Variants in SYT16 observed in about 807,000 individuals in gnomAD.
The protein encoded by SYT16 is synaptotagmin 16, also known as synaptotagmin-16.
A neutral mutation model predicts 61.4 loss-of-function variants in SYT16; 42 were observed. The ratio of observed to expected loss-of-function variants is 0.68; its 90% CI spans 0.53 to 0.89. The LOEUF (loss-of-function observed/expected upper bound fraction) is 0.89, where lower values mean the gene tolerates loss of function less well. Ranked by LOEUF, SYT16 falls within the 40% of genes least tolerant of loss-of-function variation. The pLI, the probability that SYT16 is intolerant of heterozygous loss-of-function variation, is 0.00. For synonymous variants in SYT16, 314 were observed against 302.3 expected (o/e 1.04, Z -0.40); for missense variants, 804 against 807.3 (o/e 1.00, Z 0.05).
At chr14:61,935,061 G>A (rs561245625) in intron 1 of SYT16, among the ~76,000 whole-genome samples, 86 of 152,284 alleles carry the variant, frequency 5.6e-4, no homozygotes, top group African/African-American at 1.8e-3. Context: ...CCACAGGCAA[G>A]CAAATTAATA....
At chr14:62,076,445 A>T (rs1595359450) in intron 5 of SYT16, among the ~76,000 whole-genome samples, 2 of 67,998 alleles carry the variant, frequency 2.9e-5, no homozygotes, top group Non-Finnish European at 5.6e-5. Flanking sequence ...GCTCAAGGTA[A>T]AAAAAAAAAA....
At chr14:61,998,903 A>G (rs2052877667) in intron 3 of SYT16, among the ~76,000 whole-genome samples, 1 of 151,952 alleles carries the variant, frequency 6.6e-6, no homozygotes, top group Non-Finnish European at 1.5e-5. Flanking sequence ...TTTCACATCT[A>G]TTGAGATGAT....
At chr14:62,014,562 T>A (rs556451997) in intron 3 of SYT16, among the ~76,000 whole-genome samples, 1 of 151,916 alleles carries the variant, frequency 6.6e-6, no homozygotes, top group East Asian at 1.9e-4. Flanking sequence ...GCCTCCTAAG[T>A]AGCTGGGATT....
At chr14:62,011,459 C>T (rs959481286) in intron 3 of SYT16, among the ~76,000 whole-genome samples, 8 of 152,134 alleles carry the variant, frequency 5.3e-5, no homozygotes, top group Non-Finnish European at 7.4e-5. Flanking sequence ...GCTTGATTCA[C>T]GTGGCTTGAC....
chr14:61,920,899 G>C (rs2049310215), intron 1 of SYT16, among the ~76,000 whole-genome samples: 1 of 152,172 alleles, frequency 6.6e-6, no homozygotes, highest in Non-Finnish European at 1.5e-5. Context: ...AGAGCAGTAA[G>C]TGGTAGAACC....
intron 1 of SYT16, among the ~76,000 whole-genome samples, chr14:61,943,722 G>A (rs953441567): frequency 2.0e-5 from 3 of 152,120 alleles, no homozygotes; most frequent in Admixed American, 2.0e-4. Flanking sequence ...AGGCATTGAT[G>A]GAATGAATCT....
chr14:61,856,723 A>T (rs186840215), intron 1 of SYT16, among the ~76,000 whole-genome samples: 79 of 152,306 alleles, frequency 5.2e-4, no homozygotes, highest in African/African-American at 1.8e-3. Flanking sequence ...ATCAAAGGAA[A>T]GATCTGGGCT....
intron 1 of SYT16, among the ~76,000 whole-genome samples, chr14:61,915,960 A>G (rs774795053): frequency 4.6e-5 from 7 of 152,218 alleles, no homozygotes; most frequent in Non-Finnish European, 1.0e-4. Flanking sequence ...CGTGAATTCA[A>G]CCTACATCTT....
chr14:62,097,098 T>A (rs986170204), intron 7 of SYT16, among the ~76,000 whole-genome samples: 1 of 152,164 alleles, frequency 6.6e-6, no homozygotes, highest in African/African-American at 2.4e-5. Context: ...CGGGGTACCA[T>A]GTTGTTTCTT....
At chr14:62,054,517 C>T (rs747846470) in intron 3 of SYT16, among the ~76,000 whole-genome samples, 9 of 151,956 alleles carry the variant, frequency 5.9e-5, no homozygotes, top group Non-Finnish European at 1.3e-4. Context: ...CGTGCCACCA[C>T]GCTCAGCTAA....
chr14:61,912,342 T>A (rs965742), intron 1 of SYT16, among the ~76,000 whole-genome samples: 138,283 of 152,078 alleles, frequency 0.91, 63,001 homozygotes, highest in East Asian at 0.98. Flanking sequence ...CTGCTGTCAC[T>A]CTGACAGCGT....
intron 3 of SYT16, among the ~76,000 whole-genome samples, chr14:62,058,008 T>G (rs1215249371): frequency 2.0e-5 from 3 of 152,234 alleles, no homozygotes; most frequent in Non-Finnish European, 4.4e-5. Context: ...ATTTTTAGAT[T>G]ATTATAAAAA....
intron 1 of SYT16, among the ~76,000 whole-genome samples, chr14:61,840,115 A>G (rs2046259533): frequency 6.6e-6 from 1 of 152,182 alleles, no homozygotes; most frequent in Admixed American, 6.5e-5. Context: ...AAGGGAGAAA[A>G]TAAAAGATTA....
rs983320179 is a variant in SYT16, at chr14:61,831,148, A to G, written c.-325+18338A>G. 2.0e-5 allele frequency among the ~76,000 whole-genome samples: 3 copies of G among 152,192 alleles called. No homozygotes were observed. In the East Asian group the frequency reaches 5.8e-4, roughly 29 times the overall value. On this transcript the variant is annotated intron_variant, in intron 1 of 7. Coordinates refer to ENST00000683842, the MANE Select transcript of SYT16 (RefSeq NM_001367656.1). ...GGTTGTCACTGACATCTAGCCAGGGATGCTGCTGAATATCCTATAATACAG... is the reference window on the plus strand; with the variant it reads ...GGTTGTCACTGACATCTAGCCAGGGGTGCTGCTGAATATCCTATAATACAG...
At chr14:61,922,197 A>G (rs2049358592) in intron 1 of SYT16, among the ~76,000 whole-genome samples, 1 of 152,226 alleles carries the variant, frequency 6.6e-6, no homozygotes, top group South Asian at 2.1e-4. Context: ...TACCCAAAGA[A>G]ATAGAAATCA....
intron 1 of SYT16, among the ~76,000 whole-genome samples, chr14:61,813,451 TC>T (rs144215943): frequency 0.022 from 3,376 of 152,308 alleles, 61 homozygotes; most frequent in African/African-American, 0.051. Flanking sequence ...GAAATTGGAA[TC>T]CCGTCTGTGA....
intron 1 of SYT16, among the ~76,000 whole-genome samples, chr14:61,819,778 G>C (rs1355082978): frequency 1.3e-5 from 2 of 152,176 alleles, no homozygotes; most frequent in African/African-American, 4.8e-5. Flanking sequence ...GGTTCCAGAG[G>C]TGCCTGAGTC....
intron 3 of SYT16, among the ~76,000 whole-genome samples, chr14:62,042,972 A>C (rs1566789914): frequency 6.6e-6 from 1 of 152,032 alleles, no homozygotes; most frequent in Admixed American, 6.6e-5. Context: ...ACCATTGTTT[A>C]TGCCCCCATC....
chr14:61,853,385 T>G (rs2046677641), intron 1 of SYT16, among the ~76,000 whole-genome samples: 1 of 152,216 alleles, frequency 6.6e-6, no homozygotes, highest in Non-Finnish European at 1.5e-5. Flanking sequence ...CTGTTATGGT[T>G]TGAGAGTTTG....
Sources: allele counts gnomAD v4.1 joint callset (sites outside exome capture counted in the v4.1 genomes callset), GRCh38; gene constraint gnomAD v4.1.1; transcripts MANE v1.5; gene names NCBI Gene and HGNC (gene_info 2026-07-23, HGNC 2026-07-21).